Variants in DHRSX observed in about 807,000 individuals in gnomAD.
The protein encoded by DHRSX is dehydrogenase/reductase X-linked, also known as polyprenol dehydrogenase.
DHRSX carries 31 observed loss-of-function variants against 34.0 expected under a neutral mutation model. That is an observed-to-expected ratio of 0.91 (90% CI 0.69 to 1.23). The LOEUF (loss-of-function observed/expected upper bound fraction) is 1.23, where lower values mean the gene tolerates loss of function less well. DHRSX is among the 50% of genes most tolerant of loss of function. DHRSX has a pLI of 0.00. For missense variants in DHRSX, 414 were observed against 428.1 expected (o/e 0.97, Z 0.29); for synonymous variants, 201 against 183.8 (o/e 1.09, Z -0.76).
chrX:2,275,446 T>G (rs1218002135), intron 4 of DHRSX, among the ~76,000 whole-genome samples: 3 of 151,174 alleles, frequency 2.0e-5, no homozygotes, highest in Non-Finnish European at 4.4e-5. Context: ...GAGGCAGAGG[T>G]TGCAGTGAGC....
At chrX:2,457,798 G>A (rs181287693) in intron 1 of DHRSX, among the ~76,000 whole-genome samples, 7,341 of 139,344 alleles carry the variant, frequency 0.053, 273 homozygotes, top group Middle Eastern at 0.13. Flanking sequence ...GGACAGCCAC[G>A]GTGTGCACAC....
chrX:2,385,110 A>ATG (rs934167358), intron 3 of DHRSX, among the ~76,000 whole-genome samples: 8,006 of 146,440 alleles, frequency 0.055, 247 homozygotes, highest in Middle Eastern at 0.071. Flanking sequence ...TCAAATATAT[A>ATG]TGTGTGTGTG....
chrX:2,257,421 G>A (rs1333365136), intron 5 of DHRSX, among the ~76,000 whole-genome samples: 3 of 152,222 alleles, frequency 2.0e-5, no homozygotes, highest in Non-Finnish European at 2.9e-5. Flanking sequence ...AACTGCACCT[G>A]ACTGGGAATA....
chrX:2,250,906 A>G (rs1413247736), intron 5 of DHRSX, among the ~76,000 whole-genome samples: 1 of 152,076 alleles, frequency 6.6e-6, no homozygotes, highest in African/African-American at 2.4e-5. Flanking sequence ...CAACTGAGCA[A>G]TTTTCCCACC....
At chrX:2,313,432 C>A (rs1403701112) in intron 3 of DHRSX, among the ~76,000 whole-genome samples, 1 of 148,554 alleles carries the variant, frequency 6.7e-6, no homozygotes, top group East Asian at 2.1e-4. Flanking sequence ...GCAGTGGTGC[C>A]ATCTCGGCTC....
chrX:2,333,884 T>G (rs1029589065), intron 3 of DHRSX, among the ~76,000 whole-genome samples: 6 of 152,184 alleles, frequency 3.9e-5, no homozygotes, highest in Non-Finnish European at 8.8e-5. Flanking sequence ...CTAAGGACAA[T>G]GATCTCCAGC....
rs150742582 is a variant in DHRSX, at chrX:2,430,918, G to A, written c.110-5614C>T. On this transcript the variant is annotated intron_variant, in intron 1 of 6. Transcript: ENST00000334651. ...CACACGGCTGTCATCTCAGCTACCC[G>A]GGAGGCTGAGTTCAGAGGATCACGC... Among the ~76,000 whole-genome samples, 296 of 152,156 alleles carry A rather than the reference G, an allele frequency of 1.9e-3. 2 individuals carry two copies. Among genetic ancestry groups the A allele is most frequent in the African/African-American group, 3.8e-3 (158 of 41,520 alleles).
chrX:2,411,990 C>T (rs1465705444), intron 2 of DHRSX, among the ~76,000 whole-genome samples: 3 of 152,278 alleles, frequency 2.0e-5, no homozygotes, highest in East Asian at 1.9e-4. Flanking sequence ...GTGGCACGTG[C>T]GGTATCTTCT....
At chrX:2,311,230 GAA>G (rs1273007695) in intron 3 of DHRSX, among the ~76,000 whole-genome samples, 1 of 152,018 alleles carries the variant, frequency 6.6e-6, no homozygotes, top group Non-Finnish European at 1.5e-5. Flanking sequence ...GAGAGGGAGA[GAA>G]AGAGAGAGAG....
intron 3 of DHRSX, among the ~76,000 whole-genome samples, chrX:2,310,886 C>T (rs1186743503): frequency 6.6e-6 from 1 of 151,740 alleles, no homozygotes; most frequent in African/African-American, 2.4e-5. Flanking sequence ...CATGGTGAAA[C>T]CCCGTCTCTA....
intron 3 of DHRSX, among the ~76,000 whole-genome samples, chrX:2,373,099 T>A (rs1327572536): frequency 1.3e-5 from 2 of 152,142 alleles, no homozygotes; most frequent in Middle Eastern, 3.2e-3. Flanking sequence ...AACCATATCT[T>A]CCACGGCGGC....
At chrX:2,381,924 G>A (rs1433934557) in intron 3 of DHRSX, among the ~76,000 whole-genome samples, 1 of 152,048 alleles carries the variant, frequency 6.6e-6, no homozygotes, top group Non-Finnish European at 1.5e-5. Flanking sequence ...ATCTGCAGGA[G>A]GGGTAACATG....
At chrX:2,260,577 A>T (rs961356058) in intron 5 of DHRSX, among the ~76,000 whole-genome samples, 5 of 151,638 alleles carry the variant, frequency 3.3e-5, no homozygotes, top group African/African-American at 1.2e-4. Flanking sequence ...CTCCTGCCTC[A>T]GCCTCCCGAG....
intron 5 of DHRSX, among the ~76,000 whole-genome samples, chrX:2,244,435 C>T (rs1310650502): frequency 1.3e-5 from 2 of 151,948 alleles, no homozygotes; most frequent in East Asian, 3.9e-4. Flanking sequence ...ATGTTATTTG[C>T]GGTGTTACAT....
chrX:2,243,159 T>C lies in DHRSX; in HGVS notation c.668A>G (p.Gln223Arg). Residue 223 changes from glutamine (Q) to arginine (R), a missense_variant, in exon 6 of 7, where the codon CAG (glutamine) becomes CGG (arginine). By Grantham distance (43) the Gln-to-Arg change is conservative. Transcript: ENST00000334651. The stretch of plus-strand genomic sequence containing the variant: ...GCTTCCCTCAGCCGCCAGCAGCCGC[T>C]GGAGGTGGTAGGTGAACAGGACAAG... ...LALVLFTYHL[Q>R]RLLAAEGSHV... 6.2e-7 allele frequency: 1 copy of C among 1,613,850 alleles called. No homozygotes were observed. Among genetic ancestry groups the C allele is most frequent in the Admixed American group, 1.7e-5 (1 of 59,988 alleles).
chrX:2,234,996 C>G (rs2015980377), intron 6 of DHRSX, among the ~76,000 whole-genome samples: 1 of 152,182 alleles, frequency 6.6e-6, no homozygotes, highest in African/African-American at 2.4e-5. Flanking sequence ...CAGGCATGAT[C>G]CACCATGCCC....
chrX:2,356,087 A>G (rs1182464200), intron 3 of DHRSX, among the ~76,000 whole-genome samples: 1 of 148,928 alleles, frequency 6.7e-6, no homozygotes, highest in Non-Finnish European at 1.5e-5. Context: ...AAAAAAATAC[A>G]ATAATTAGCC....
At chrX:2,488,742 C>G (rs748400336) in intron 1 of DHRSX, 8 of 1,613,946 alleles carry the variant, frequency 5.0e-6, no homozygotes, top group South Asian at 1.1e-5. Flanking sequence ...TCCTGGTCCT[C>G]GGGTTCCGCC....
At chrX:2,262,296 G>A (rs972117447) in intron 5 of DHRSX, among the ~76,000 whole-genome samples, 2 of 152,198 alleles carry the variant, frequency 1.3e-5, no homozygotes, top group African/African-American at 4.8e-5. Flanking sequence ...GTCATGCATG[G>A]GTGTGAAAAC....
Sources: gnomAD v4.1 joint callset for allele counts (sites outside exome capture counted in the v4.1 genomes callset) on GRCh38, gnomAD v4.1.1 for gene constraint, MANE v1.5 for transcripts, NCBI Gene and HGNC (gene_info 2026-07-23, HGNC 2026-07-21) for gene names.